GPC6: variants seen among roughly 807,000 people sequenced by gnomAD.
GPC6 encodes the protein glypican 6.
Under a neutral mutation model 55.2 loss-of-function variants are expected in GPC6, and 14 were observed. That is an observed-to-expected ratio of 0.25 (90% CI 0.17 to 0.40). GPC6 has a LOEUF of 0.40. GPC6 is among the 10% of genes least tolerant of loss of function. GPC6 has a pLI of 1.00. For missense variants in GPC6, 641 were observed against 708.5 expected (o/e 0.90, Z 1.08); for synonymous variants, 278 against 259.6 (o/e 1.07, Z -0.68).
rs1892533002 is a variant in GPC6 at position 94,286,445 on chromosome 13, A to G, written c.974A>G (p.Asn325Ser). Reference protein sequence around the residue: ...IDVKISEAIMNMQENSMQVSA... With the variant: ...IDVKISEAIMSMQENSMQVSA... ...GTCAAGATTTCTGAAGCCATTATGA[A>G]CATGCAAGAAAACAGCATGCAGGTG... Residue 325 changes from asparagine to serine, a missense_variant, in exon 5 of 9, where the codon AAC (asparagine) becomes AGC (serine). Asn to Ser is a conservative substitution (Grantham distance 46, BLOSUM62 1). Transcript: ENST00000377047. 2.5e-6 allele frequency: 4 copies of G among 1,613,820 alleles called. No individual in the cohort carries two copies. The highest frequency in any genetic ancestry group is 3.4e-6 in the Non-Finnish European group (4 of 1,179,770).
In GPC6 at chr13:93,758,181, C is replaced by T. The variant is rs149456218; in HGVS notation, c.320-71973C>T. ...TGTTTTAGTTCAGTAGGCAGAGCTT[C>T]ACATCAGCTAACTTTGAAATGACTT... On this transcript the variant is annotated intron_variant, in intron 2 of 8. Transcript: ENST00000377047. 7.9e-5 allele frequency among the ~76,000 whole-genome samples: 12 copies of T among 152,258 alleles called. No homozygotes were observed. The East Asian group carries it at 1.9e-3, about 25-fold the overall frequency.
intron 2 of GPC6, among the ~76,000 whole-genome samples, chr13:93,763,078 C>A (rs747975737): frequency 6.6e-6 from 1 of 152,156 alleles, no homozygotes; most frequent in Non-Finnish European, 1.5e-5. Context: ...CCAAATTCTC[C>A]GTTTTCATGA....
chr13:93,828,136 T>C (rs1034303463), intron 2 of GPC6, among the ~76,000 whole-genome samples: 2 of 152,178 alleles, frequency 1.3e-5, no homozygotes, highest in Middle Eastern at 3.4e-3. Flanking sequence ...TCCAACAAAA[T>C]AATTGACCTC....
chr13:93,593,281 A>G (rs1877572651), intron 2 of GPC6, among the ~76,000 whole-genome samples: 1 of 152,154 alleles, frequency 6.6e-6, no homozygotes, highest in African/African-American at 2.4e-5. Context: ...AATGGAAGCT[A>G]ATCTGAAACA....
intron 4 of GPC6, among the ~76,000 whole-genome samples, chr13:94,264,608 G>T (rs2139053658): frequency 6.6e-6 from 1 of 152,282 alleles, no homozygotes; most frequent in African/African-American, 2.4e-5. Context: ...ATATACAAAA[G>T]GCAAGTATAG....
At chr13:93,900,537 A>T (rs1481647155) in intron 3 of GPC6, among the ~76,000 whole-genome samples, 1 of 152,172 alleles carries the variant, frequency 6.6e-6, no homozygotes, top group Non-Finnish European at 1.5e-5. Flanking sequence ...TAAAGAAATC[A>T]CCAGATGTTT....
intron 4 of GPC6, among the ~76,000 whole-genome samples, chr13:94,144,550 TG>T (rs1390498444): frequency 6.1e-5 from 1 of 16,492 alleles, no homozygotes; most frequent in South Asian, 1.3e-3. Context: ...TGTGTGTATG[TG>T]TGTGTGTGTG....
intron 2 of GPC6, among the ~76,000 whole-genome samples, chr13:93,739,523 G>A (rs1408776386): frequency 2.0e-5 from 3 of 150,256 alleles, no homozygotes; most frequent in Non-Finnish European, 4.4e-5. Flanking sequence ...TCTGCCTCCC[G>A]GGTTCGCGCC....
chr13:93,300,118 C>G (rs956554594), intron 1 of GPC6, among the ~76,000 whole-genome samples: 2 of 152,162 alleles, frequency 1.3e-5, no homozygotes, highest in African/African-American at 4.8e-5. Context: ...TTACATAACA[C>G]AAGTGACAAC....
At chr13:94,388,341 G>GTTCA (rs1394218427) in intron 7 of GPC6, among the ~76,000 whole-genome samples, 1 of 152,168 alleles carries the variant, frequency 6.6e-6, no homozygotes, top group African/African-American at 2.4e-5. Context: ...TGAGCTAGGA[G>GTTCA]TTCACGTCGT....
At chr13:94,147,160 A>G (rs929099779) in intron 4 of GPC6, among the ~76,000 whole-genome samples, 2 of 152,176 alleles carry the variant, frequency 1.3e-5, no homozygotes, top group Non-Finnish European at 2.9e-5. Flanking sequence ...TATAAAGATC[A>G]TTTGCAGGTC....
At chr13:93,560,673 G>A (rs957031953) in intron 2 of GPC6, among the ~76,000 whole-genome samples, 2 of 151,618 alleles carry the variant, frequency 1.3e-5, no homozygotes, top group Non-Finnish European at 2.9e-5. Flanking sequence ...GGCTAACACT[G>A]TGAAACCGCG....
intron 4 of GPC6, among the ~76,000 whole-genome samples, chr13:94,048,189 A>T (rs572389546): frequency 6.6e-6 from 1 of 152,204 alleles, no homozygotes; most frequent in Non-Finnish European, 1.5e-5. Flanking sequence ...AGCCTTTTCA[A>T]ACCTTCAGGC....
chr13:93,564,619 CA>C (rs1355379404), intron 2 of GPC6, among the ~76,000 whole-genome samples: 1 of 152,146 alleles, frequency 6.6e-6, no homozygotes, highest in African/African-American at 2.4e-5. Context: ...ACGTCAAAAC[CA>C]ATGTTAAAGC....
At chr13:93,531,315 T>C (rs928269228) in intron 1 of GPC6, among the ~76,000 whole-genome samples, 14 of 151,922 alleles carry the variant, frequency 9.2e-5, no homozygotes, top group Non-Finnish European at 1.9e-4. Context: ...GAGAAAAGGC[T>C]TTATTTTAAG....
chr13:93,351,106 G>A (rs1431971183), intron 1 of GPC6, among the ~76,000 whole-genome samples: 1 of 151,986 alleles, frequency 6.6e-6, no homozygotes, highest in African/African-American at 2.4e-5. Context: ...AAAGTAAAAA[G>A]ACATTTTCTA....
intron 1 of GPC6, among the ~76,000 whole-genome samples, chr13:93,236,903 AT>A (rs1334075570): frequency 2.0e-5 from 3 of 152,078 alleles, no homozygotes; most frequent in Non-Finnish European, 2.9e-5. Context: ...ACATGATTTC[AT>A]TTTTTTAGGG....
At position 93,698,921 on chromosome 13, in the gene GPC6, G is replaced by A. The variant is rs560571629; in HGVS notation, c.320-131233G>A. Among the ~76,000 whole-genome samples, 369 of 151,980 alleles carry A rather than the reference G, an allele frequency of 2.4e-3. 1 individual carries two copies. Among genetic ancestry groups the A allele is most frequent in the African/African-American group, 8.4e-3 (349 of 41,394 alleles). Reference sequence around the variant, plus strand: ...ACTACTCACATATCGGAAAATTTGAGGTGGGTGGCTTCTGTTATATTATGC... The same window carrying A: ...ACTACTCACATATCGGAAAATTTGAAGTGGGTGGCTTCTGTTATATTATGC... On this transcript the variant is annotated intron_variant, in intron 2 of 8. Coordinates refer to ENST00000377047, the MANE Select transcript of GPC6 (RefSeq NM_005708.5).
intron 2 of GPC6, among the ~76,000 whole-genome samples, chr13:93,818,057 T>A (rs1886923265): frequency 6.8e-6 from 1 of 147,514 alleles, no homozygotes; most frequent in Non-Finnish European, 1.5e-5. Context: ...TATATAATTT[T>A]ATATGTTAAT....
Sources: gnomAD v4.1 joint callset for allele counts (sites outside exome capture counted in the v4.1 genomes callset) on GRCh38, gnomAD v4.1.1 for gene constraint, MANE v1.5 for transcripts, NCBI Gene and HGNC (gene_info 2026-07-23, HGNC 2026-07-21) for gene names.